EIF4G3: variants seen among roughly 807,000 people sequenced by gnomAD.
The protein encoded by EIF4G3 is eukaryotic translation initiation factor 4 gamma 3, also known as eIF-4-gamma 3.
Under a neutral mutation model 186.4 loss-of-function variants are expected in EIF4G3, and 34 were observed. The ratio of observed to expected loss-of-function variants is 0.18; its 90% CI spans 0.14 to 0.24. The LOEUF (loss-of-function observed/expected upper bound fraction) is 0.24, where lower values mean the gene tolerates loss of function less well. Ranked by LOEUF, EIF4G3 falls within the 10% of genes least tolerant of loss-of-function variation. The pLI is 1.00. For missense variants in EIF4G3, 1,536 were observed against 1,948.5 expected, an observed-to-expected ratio of 0.79 and a Z score of 3.99; for synonymous variants, 673 against 679.5, an observed-to-expected ratio of 0.99 and a Z score of 0.15.
chr1:20,945,606 C>T (rs1279832339), intron 13 of EIF4G3, among the ~76,000 whole-genome samples: 1 of 152,158 alleles, frequency 6.6e-6, no homozygotes, highest in Non-Finnish European at 1.5e-5. Context: ...TCTGAGACCA[C>T]ATGTACGAGC....
intron 18 of EIF4G3, among the ~76,000 whole-genome samples, chr1:20,890,613 G>C (rs2085690412): frequency 6.6e-6 from 1 of 151,980 alleles, no homozygotes; most frequent in African/African-American, 2.4e-5. Flanking sequence ...GTGCCCTCAT[G>C]CCCGGCAAAT....
intron 3 of EIF4G3, among the ~76,000 whole-genome samples, chr1:21,077,480 G>GTATA (rs1424638407): frequency 6.6e-6 from 1 of 151,014 alleles, no homozygotes; most frequent in African/African-American, 2.4e-5. Context: ...TGGCTGACAA[G>GTATA]TATATGAAAA....
intron 2 of EIF4G3, among the ~76,000 whole-genome samples, chr1:21,159,591 T>A (rs76554465): frequency 0.029 from 4,394 of 150,644 alleles, 134 homozygotes; most frequent in East Asian, 0.14. Flanking sequence ...ACAAAAAAAA[T>A]TAGCCAAGCG....
chr1:21,176,568 C>T (rs2098113936), intron 1 of EIF4G3, among the ~76,000 whole-genome samples, 154 bp downstream of exon 1: 1 of 138,248 alleles, frequency 7.2e-6, no homozygotes, highest in Non-Finnish European at 1.6e-5. Context: ...ACACGCCCGA[C>T]GCCGCCGCCG....
At chr1:21,175,932 G>C (rs894524721) in intron 2 of EIF4G3, 3 of 212,936 alleles carry the variant, frequency 1.4e-5, no homozygotes, top group Non-Finnish European at 2.8e-5. Flanking sequence ...AAAAGGAAGG[G>C]GCTGCAGAAG....
At chr1:21,121,518 T>C (rs1479941334) in intron 2 of EIF4G3, among the ~76,000 whole-genome samples, 1 of 152,140 alleles carries the variant, frequency 6.6e-6, no homozygotes, top group Non-Finnish European at 1.5e-5. Flanking sequence ...CTCACGCCTA[T>C]AATCCCAGCA....
intron 20 of EIF4G3, among the ~76,000 whole-genome samples, chr1:20,875,978 T>C (rs868574106): frequency 6.6e-6 from 1 of 151,798 alleles, no homozygotes; most frequent in African/African-American, 2.4e-5. Context: ...TGCCAACACT[T>C]TGGAAGGCTG....
intron 33 of EIF4G3, among the ~76,000 whole-genome samples, chr1:20,819,281 T>C (rs1040702156): frequency 6.6e-6 from 1 of 151,446 alleles, no homozygotes; most frequent in African/African-American, 2.4e-5. Flanking sequence ...TTTTATTATA[T>C]ATATATTATT....
chr1:21,068,396 A>AAAAAAAAAAAAAAC (rs1200202846), intron 3 of EIF4G3, among the ~76,000 whole-genome samples: 3 of 148,708 alleles, frequency 2.0e-5, no homozygotes, highest in South Asian at 2.1e-4. Context: ...AAAAAAAAAA[A>AAAAAAAAAAAAAAC]AAAACAGAAT....
chr1:20,943,979 T>C (rs2095832285), intron 13 of EIF4G3, among the ~76,000 whole-genome samples: 1 of 55,416 alleles, frequency 1.8e-5, no homozygotes, highest in Non-Finnish European at 4.6e-5. Flanking sequence ...TTTTTTTGTG[T>C]GTGTGTGTGT....
chr1:20,941,621 G>T lies in EIF4G3; in HGVS notation c.1533C>A (p.Asp511Glu). ...AITVQRVLEE[D>E]ESIRTCLSED... ...CACTAAGGCAAGTTCTTATGCTCTC[G>T]TCCTCCTCTAGGACTCTCTGGACTG... The change falls in exon 14 of 37, where the codon GAC becomes GAA. Residue 511 changes from aspartate to glutamate, a missense_variant. Transcript: ENST00000602326. 1 of 1,614,074 alleles carries T rather than the reference G, an allele frequency of 6.2e-7. No individual in the cohort carries two copies. The highest frequency in any genetic ancestry group is 8.5e-7 in the Non-Finnish European group (1 of 1,180,016).
intron 23 of EIF4G3, 75 bp downstream of exon 23, chr1:20,862,153 G>A: frequency 2.3e-6 from 2 of 877,860 alleles, no homozygotes; most frequent in East Asian, 5.1e-5. Context: ...GTAAACAACA[G>A]GACATCCTTC....
At chr1:20,941,389 G>T in intron 14 of EIF4G3, 102 bp downstream of exon 14, 2 of 1,610,960 alleles carry the variant, frequency 1.2e-6, no homozygotes, top group South Asian at 1.1e-5. Flanking sequence ...GCATTCATTC[G>T]ATGTTTCTGG....
chr1:20,854,103 T>C (rs920284124), intron 26 of EIF4G3, among the ~76,000 whole-genome samples: 1 of 152,142 alleles, frequency 6.6e-6, no homozygotes, highest in Non-Finnish European at 1.5e-5. Context: ...AAGGGACATA[T>C]AGGAAGTAGG....
Position 21,001,244 on chromosome 1 carries a change from G to A in EIF4G3, c.99C>T (p.Pro33=), listed in dbSNP as rs557402866. The part of the protein sequence containing the change: ...WKRRKVLEQT[P]VYRSLAGRGW... ...CTCTTCCAGCCAAGGACCTGTAAAC[G>A]GGAGTCTGTTCCAAAACCTTCCTCC... The change falls in exon 6 of 37, where the codon CCC becomes CCT. Residue 33 remains proline, a synonymous_variant. Coordinates refer to ENST00000602326, the MANE Select transcript of EIF4G3 (RefSeq NM_001391906.1). 12 of 471,552 alleles carry A rather than the reference G, an allele frequency of 2.5e-5. No individual in the cohort carries two copies. In the East Asian group the frequency reaches 6.2e-4, roughly 25 times the overall value. 29.2% of individuals were successfully genotyped at this position (471,552 alleles called of 1,614,324 possible). A position where few individuals can be genotyped will look rare whatever the true frequency, so the allele number is the denominator to read the frequency against.
intron 2 of EIF4G3, among the ~76,000 whole-genome samples, chr1:21,110,533 A>T (rs564491677): frequency 6.6e-6 from 1 of 152,108 alleles, no homozygotes; most frequent in East Asian, 1.9e-4. Context: ...GAGCTCAGGC[A>T]ATTCGCCCAC....
At chr1:20,911,745 G>A (rs185300653) in intron 14 of EIF4G3, among the ~76,000 whole-genome samples, 3 of 151,874 alleles carry the variant, frequency 2.0e-5, no homozygotes, top group Admixed American at 2.0e-4. Context: ...AGTCATCCAA[G>A]TAAGTTGTAA....
chr1:20,994,403 A>T (rs1450597172), intron 7 of EIF4G3, among the ~76,000 whole-genome samples: 5 of 152,234 alleles, frequency 3.3e-5, no homozygotes, highest in African/African-American at 1.2e-4. Flanking sequence ...GCAAGGGTAC[A>T]GACATCCTTA....
chr1:21,013,122 G>GGGAA (rs2087708119), intron 4 of EIF4G3, among the ~76,000 whole-genome samples: 1 of 152,052 alleles, frequency 6.6e-6, no homozygotes, highest in African/African-American at 2.4e-5. Context: ...GGGGCCCTCA[G>GGGAA]GGAAGGAAGC....
Sources: allele counts gnomAD v4.1 joint callset (sites outside exome capture counted in the v4.1 genomes callset), GRCh38; gene constraint gnomAD v4.1.1; transcripts MANE v1.5; gene names NCBI Gene and HGNC (gene_info 2026-07-23, HGNC 2026-07-21).